KANSL1L: variants seen among roughly 807,000 people sequenced by gnomAD.
KANSL1L encodes KAT8 regulatory NSL complex subunit 1-like protein.
A neutral mutation model predicts 108.6 loss-of-function variants in KANSL1L; 25 were observed. The ratio of observed to expected loss-of-function variants is 0.23; its 90% CI spans 0.17 to 0.32. The LOEUF (loss-of-function observed/expected upper bound fraction) is 0.32. Ranked by LOEUF, KANSL1L falls within the 10% of genes least tolerant of loss-of-function variation. The probability of loss-of-function intolerance (pLI) is 1.00; values close to 1 mark genes in which losing one functional copy is unlikely to be tolerated. For missense variants in KANSL1L, 1,137 were observed against 1,125.7 expected (o/e 1.01, Z -0.14); for synonymous variants, 405 against 395.1 (o/e 1.03, Z -0.30).
At chr2:210,142,648 GT>G (rs1279648116) in intron 2 of KANSL1L, among the ~76,000 whole-genome samples, 2 of 152,006 alleles carry the variant, frequency 1.3e-5, no homozygotes, top group African/African-American at 4.8e-5. Flanking sequence ...GCACCCCATA[GT>G]TTTGTAAACT....
At chr2:210,083,829 C>CAAAA (rs61456616) in intron 5 of KANSL1L, among the ~76,000 whole-genome samples, 2 of 52,888 alleles carry the variant, frequency 3.8e-5, no homozygotes, top group African/African-American at 6.4e-5. Flanking sequence ...GACTCCATCT[C>CAAAA]AAAAAAAAAA....
intron 12 of KANSL1L, among the ~76,000 whole-genome samples, chr2:210,026,758 C>T (rs2093942820): frequency 6.6e-6 from 1 of 152,106 alleles, no homozygotes; most frequent in South Asian, 2.1e-4. Flanking sequence ...TAAACAAATG[C>T]TATATTTTCT....
chr2:210,172,379 T>A (rs1171276534), upstream of KANSL1L, among the ~76,000 whole-genome samples: 1 of 152,240 alleles, frequency 6.6e-6, no homozygotes, highest in Non-Finnish European at 1.5e-5. Context: ...CCTTATCAAT[T>A]GGATAAGATC....
chr2:210,073,040 T>C (rs2094518058), intron 6 of KANSL1L, among the ~76,000 whole-genome samples: 1 of 152,184 alleles, frequency 6.6e-6, no homozygotes, highest in Admixed American at 6.5e-5. Context: ...TTTTCAATGG[T>C]TCAATATTGT....
chr2:210,091,578 A>G (rs1317920954), intron 5 of KANSL1L, among the ~76,000 whole-genome samples: 2 of 152,166 alleles, frequency 1.3e-5, no homozygotes, highest in East Asian at 3.8e-4. Context: ...ATTATACTTA[A>G]TTTAGGAATA....
At chr2:210,095,068 G>A (rs2094724214) in intron 5 of KANSL1L, among the ~76,000 whole-genome samples, 1 of 151,958 alleles carries the variant, frequency 6.6e-6, no homozygotes, top group Non-Finnish European at 1.5e-5. Context: ...AGAAACAAGT[G>A]CATCCACACA....
At chr2:210,121,143 G>T (rs1250443659) in intron 3 of KANSL1L, among the ~76,000 whole-genome samples, 2 of 152,118 alleles carry the variant, frequency 1.3e-5, no homozygotes, top group Non-Finnish European at 2.9e-5. Context: ...TCCCATTACT[G>T]AGTATACACC....
At chr2:210,036,696 G>A (rs919160137) in intron 8 of KANSL1L, among the ~76,000 whole-genome samples, 1 of 152,166 alleles carries the variant, frequency 6.6e-6, no homozygotes, top group African/African-American at 2.4e-5. Context: ...TATATAGGAT[G>A]AAATTTCTCA....
Position 210,024,087 on chromosome 2 carries a change from G to C in KANSL1L, c.2679C>G (p.Asn893Lys). The C allele has an allele frequency of 6.2e-7, 1 of 1,607,770 alleles. No individual in the cohort carries two copies. The highest frequency in any genetic ancestry group is 8.5e-7 in the Non-Finnish European group (1 of 1,176,794). Residue 893 changes from asparagine (N) to lysine (K), a missense_variant, in exon 14 of 15, where the codon AAC becomes AAG. Around this residue, in one of 3 missense-constraint regions of KANSL1L, gnomAD observed 575 missense variants for 567.1 expected, o/e 1.01. Coordinates refer to ENST00000281772, the MANE Select transcript of KANSL1L (RefSeq NM_152519.4). ...AASPPGLPSE[N>K]QDLCAYGLPS... The stretch of plus-strand genomic sequence containing the variant: ...GTAAGCCATATGCACACAGATCCTG[G>C]TTCTCTGAAGGAAGCCCAGGAGGAC...
intron 12 of KANSL1L, among the ~76,000 whole-genome samples, chr2:210,026,659 ATGAG>A (rs1317429627): frequency 2.6e-5 from 4 of 152,266 alleles, no homozygotes; most frequent in African/African-American, 4.8e-5. Flanking sequence ...AACTTAAATA[ATGAG>A]TGAGACTAAT....
At chr2:210,095,566 T>C (rs984422833) in intron 5 of KANSL1L, among the ~76,000 whole-genome samples, 1 of 152,162 alleles carries the variant, frequency 6.6e-6, no homozygotes, top group African/African-American at 2.4e-5. Flanking sequence ...TCTGGTTAAA[T>C]AGATTTATAG....
At position 210,048,702 on chromosome 2, in the gene KANSL1L, T is replaced by G. The variant is rs568775079; in HGVS notation, c.1756-4598A>C. 1.9e-3 allele frequency among the ~76,000 whole-genome samples: 292 copies of G among 152,230 alleles called. 1 individual carries two copies. Among genetic ancestry groups the G allele is most frequent in the Middle Eastern group, 0.017 (5 of 294 alleles). On this transcript the variant is annotated intron_variant, in intron 6 of 14. Coordinates refer to ENST00000281772, the MANE Select transcript of KANSL1L (RefSeq NM_152519.4). ...GTTTGTTCATTTCTACTGACTCTCA[T>G]CATGTGGCCTTAGTGTTGTGTGTTC...
chr2:210,166,734 A>G (rs1369030725), intron 1 of KANSL1L, among the ~76,000 whole-genome samples: 2 of 152,118 alleles, frequency 1.3e-5, no homozygotes, highest in African/African-American at 4.8e-5. Context: ...GAAAGACAGC[A>G]GATTTATACT....
chr2:210,029,338 C>T (rs961711498), intron 10 of KANSL1L, among the ~76,000 whole-genome samples: 1 of 152,030 alleles, frequency 6.6e-6, no homozygotes, highest in Admixed American at 6.6e-5. Context: ...GGCAGTGAAA[C>T]ATTTTTGGTC....
chr2:210,130,501 T>C (rs2095110231), intron 2 of KANSL1L, among the ~76,000 whole-genome samples: 2 of 152,188 alleles, frequency 1.3e-5, no homozygotes, highest in East Asian at 3.8e-4. Flanking sequence ...GATTTTACAT[T>C]ATATCAATGT....
In KANSL1L at chr2:210,029,863, A is replaced by G. The variant is rs766188035; in HGVS notation, c.2211T>C (p.His737=). ...CATTGGAAACAGCAGTAAAATTGCT[A>G]TGGGATCCTGATTCTGTGTGTTGAA... ...SDFQHTESGS[H]SNFTAVSNVN... Residue 737 remains histidine (H), a synonymous_variant, in exon 10 of 15, where the codon CAT becomes CAC. Transcript: ENST00000281772. 33 of 1,607,834 alleles carry G rather than the reference A, an allele frequency of 2.1e-5. No individual in the cohort carries two copies. The highest frequency in any genetic ancestry group is 2.7e-5 in the Non-Finnish European group (32 of 1,176,348).
intron 6 of KANSL1L, among the ~76,000 whole-genome samples, chr2:210,065,091 C>T (rs1041367901): frequency 3.3e-5 from 5 of 151,194 alleles, no homozygotes; most frequent in Non-Finnish European, 5.9e-5. Context: ...GTTAGGAGTT[C>T]GAGACCAGCA....
At chr2:210,109,758 A>T (rs1253174025) in intron 3 of KANSL1L, among the ~76,000 whole-genome samples, 1 of 152,072 alleles carries the variant, frequency 6.6e-6, no homozygotes, top group African/African-American at 2.4e-5. Flanking sequence ...CTCCTGAATC[A>T]GCCTGCTTCT....
rs1346152775 is a variant in KANSL1L, at chr2:210,028,931, A to G, written c.2310T>C (p.Tyr770=). 6.2e-7 allele frequency: 1 copy of G among 1,609,742 alleles called. No homozygotes were observed. Among genetic ancestry groups the G allele is most frequent in the Non-Finnish European group, 8.5e-7 (1 of 1,176,918 alleles). Residue 770 remains tyrosine, a synonymous_variant, in exon 11 of 15, where the codon TAT becomes TAC. Transcript: ENST00000281772. ...ARRRLRSESS[Y]DIDNIVIPMS... is the part of the protein sequence containing the mutation. ...TGGGAATCACAATGTTATCTATGTCATAAGAGCTCTCACTTCTCAATCTCC... is the reference window on the plus strand; with the variant it reads ...TGGGAATCACAATGTTATCTATGTCGTAAGAGCTCTCACTTCTCAATCTCC...
Sources: gnomAD v4.1 joint callset for allele counts (sites outside exome capture counted in the v4.1 genomes callset) on GRCh38, gnomAD v4.1.1 for gene constraint, gnomAD v4.1.1 regional missense constraint, MANE v1.5 for transcripts, NCBI Gene and HGNC (gene_info 2026-07-23, HGNC 2026-07-21) for gene names.